GNPDA2: variants seen among roughly 807,000 people sequenced by gnomAD.
GNPDA2 encodes glcN6P deaminase 2.
In GNPDA2, 24 loss-of-function variants were observed where a neutral mutation model predicts 27.0. The observed-to-expected ratio is 0.89, with a 90% CI of 0.64 to 1.25. GNPDA2 has a LOEUF of 1.25. Among genes scored for constraint, GNPDA2 ranks in the 50% most tolerant of loss-of-function variants. The pLI is 0.00. For missense variants in GNPDA2, 286 were observed against 335.1 expected (o/e 0.85, Z 1.14); for synonymous variants, 94 against 108.4 (o/e 0.87, Z 0.83).
Position 44,705,268 on chromosome 4 carries a change from C to T in GNPDA2, c.770-2126G>A, listed in dbSNP as rs965874532. On this transcript the variant is annotated intron_variant, in intron 6 of 6. Coordinates refer to ENST00000295448, the MANE Select transcript of GNPDA2 (RefSeq NM_138335.3). ...GGAGGTATGAAAAGTATACAAACTA[C>T]ATTTGAAATGTGTTTATTTAAGAAT... is the stretch of plus-strand genomic sequence containing the variant. 1.2e-5 allele frequency: 12 copies of T among 981,644 alleles called. No individual in the cohort carries two copies. In the African/African-American group the frequency reaches 1.9e-4, roughly 16 times the overall value. 60.8% of individuals were successfully genotyped at this position (981,644 alleles called of 1,614,324 possible).
intron 6 of GNPDA2, chr4:44,704,832 G>C: frequency 6.1e-6 from 6 of 982,840 alleles, no homozygotes; most frequent in Non-Finnish European, 7.2e-6. Context: ...TCAAACTACT[G>C]AGGTGGAGCC....
rs369523385 is a variant in GNPDA2 at position 44,716,998 on chromosome 4, T to A, written c.409+115A>T. On this transcript the variant is annotated intron_variant, in intron 4 of 6. Coordinates refer to ENST00000295448, the MANE Select transcript of GNPDA2 (RefSeq NM_138335.3). ...AATCAGTAGCAGAATAAACGCGTAT[T>A]ACGGACAGCCACAGGTGCTCTTTAC... 16 of 627,418 alleles carry A rather than the reference T, an allele frequency of 2.6e-5. No homozygotes were observed. The African/African-American group carries it at 2.7e-4, about 11-fold the overall frequency. The allele number at this position is 627,418 out of a possible 1,614,324, so 38.9% of individuals were successfully genotyped here.
chr4:44,724,662 G>C lies in GNPDA2; in HGVS notation c.-36+1812C>G, dbSNP rs192375605. Among the ~76,000 whole-genome samples the C allele has an allele frequency of 1.7e-4, 26 of 152,156 alleles. No individual in the cohort carries two copies. In the Middle Eastern group the frequency reaches 0.01, roughly 60 times the overall value. ...GTTTTGTACCCACACACTTTACATA[G>C]AGTAATAAGTCAAATTTTCTAAATT... is the stretch of plus-strand genomic sequence containing the variant. On this transcript the variant is annotated intron_variant, in intron 1 of 6. Coordinates refer to ENST00000295448, the MANE Select transcript of GNPDA2 (RefSeq NM_138335.3).
chr4:44,710,125 T>TTC (rs1219193422), intron 5 of GNPDA2, among the ~76,000 whole-genome samples: 1 of 152,208 alleles, frequency 6.6e-6, no homozygotes, highest in East Asian at 1.9e-4. Flanking sequence ...ACTTATTGAC[T>TTC]ATGAAGTTTC....
intron 2 of GNPDA2, among the ~76,000 whole-genome samples, chr4:44,719,429 T>C (rs1717530218): frequency 6.6e-6 from 1 of 152,082 alleles, no homozygotes; most frequent in Non-Finnish European, 1.5e-5. Flanking sequence ...TTGTTTGAGA[T>C]GTCAGAATAG....
At chr4:44,718,083 TC>T (rs1478947360) in intron 3 of GNPDA2, among the ~76,000 whole-genome samples, 1 of 151,930 alleles carries the variant, frequency 6.6e-6, no homozygotes, top group Non-Finnish European at 1.5e-5. Flanking sequence ...GCTTCTGATT[TC>T]TAGTCCTTCA....
chr4:44,714,219 C>T lies in GNPDA2; in HGVS notation c.409+2894G>A, dbSNP rs1265450190. ...CGAACTCCCAACCTCAGGTGATCTG[C>T]GCACCTCAGCCTCCCAAAGTGCTGG... On this transcript the variant is annotated intron_variant, in intron 4 of 6. Transcript: ENST00000295448. The T allele has an allele frequency of 1.2e-5, 9 of 743,314 alleles. No homozygotes were observed. The South Asian group carries it at 1.8e-4, about 15-fold the overall frequency. The allele number at this position is 743,314 out of a possible 1,614,324, so 46.0% of individuals were successfully genotyped here. A position where few individuals can be genotyped will look rare whatever the true frequency, so the allele number is the denominator to read the frequency against.
At chr4:44,712,978 A>G (rs1444150069) in intron 4 of GNPDA2, among the ~76,000 whole-genome samples, 1 of 152,222 alleles carries the variant, frequency 6.6e-6, no homozygotes. Context: ...CTAAGGGTAG[A>G]ATGTACATGC....
In GNPDA2 at chr4:44,703,369, T is replaced by G. The variant is rs990393725; in HGVS notation, c.770-227A>C. 4.6e-6 allele frequency: 6 copies of G among 1,297,942 alleles called. No individual in the cohort carries two copies. In the South Asian group the frequency reaches 1.2e-4, roughly 27 times the overall value. 80.4% of individuals were successfully genotyped at this position (1,297,942 alleles called of 1,614,324 possible). ...ATTATGTAACAGTGCAGATCTAGAA[T>G]GTGTACAGGTACTTTGGGAGTAACC... On this transcript the variant is annotated intron_variant, in intron 6 of 6. Transcript: ENST00000295448.
chr4:44,702,486 A>G lies in GNPDA2; in HGVS notation c.*595T>C. Reference sequence around the variant, plus strand: ...AGGTGCACAAAAAACATGCACTTACACATACTTTCCAAAAGGATGTAAACT... The same window carrying G: ...AGGTGCACAAAAAACATGCACTTACGCATACTTTCCAAAAGGATGTAAACT... On this transcript the variant is annotated 3_prime_UTR_variant, in exon 7 of 7. Transcript: ENST00000295448. The G allele has an allele frequency of 1.0e-6, 1 of 984,300 alleles. No individual in the cohort carries two copies. The highest frequency in any genetic ancestry group is 1.2e-6 in the Non-Finnish European group (1 of 828,540). 61.0% of individuals were successfully genotyped at this position (984,300 alleles called of 1,614,324 possible). A position where few individuals can be genotyped will look rare whatever the true frequency, so the allele number is the denominator to read the frequency against.
chr4:44,720,354 A>G (rs1717587196), intron 2 of GNPDA2, among the ~76,000 whole-genome samples: 3 of 152,162 alleles, frequency 2.0e-5, no homozygotes, highest in African/African-American at 7.2e-5. Flanking sequence ...CTGGTGCCAG[A>G]GTTCATATAG....
At chr4:44,708,243 CTG>C (rs561632505) in intron 5 of GNPDA2, among the ~76,000 whole-genome samples, 60 of 152,110 alleles carry the variant, frequency 3.9e-4, no homozygotes, top group African/African-American at 1.2e-3. Flanking sequence ...AACAAAAGGA[CTG>C]TGTTGCAAAA....
At chr4:44,716,644 ATTC>A (rs1396275185) in intron 4 of GNPDA2, among the ~76,000 whole-genome samples, 1 of 151,974 alleles carries the variant, frequency 6.6e-6, no homozygotes, top group African/African-American at 2.4e-5. Flanking sequence ...GTTTTACATC[ATTC>A]TTAACTGATT....
intron 5 of GNPDA2, 62 bp downstream of exon 5, chr4:44,710,891 T>C (rs3749582): frequency 0.6 from 773,088 of 1,280,984 alleles, 237,851 homozygotes; most frequent in Non-Finnish European, 0.64. Flanking sequence ...GCATCATAAC[T>C]CCTCCAAAAT....
At position 44,726,495 on chromosome 4, in the gene GNPDA2, G is replaced by C. The variant is rs1254839334; in HGVS notation, c.-57C>G. On this transcript the variant is annotated 5_prime_UTR_variant, in exon 1 of 7. The change creates a new upstream start codon in the 5' untranslated region. Coordinates refer to ENST00000295448, the MANE Select transcript of GNPDA2 (RefSeq NM_138335.3). ...TTACCGGCAGACCCAATGGTTCTTC[G>C]ATGCTGGAACAGCGGGAACAAGCAA... is the stretch of plus-strand genomic sequence containing the variant. 6.6e-6 allele frequency: 1 copy of C among 152,474 alleles called. No homozygotes were observed. The highest frequency in any genetic ancestry group is 1.9e-4 in the East Asian group (1 of 5,148). 9.4% of individuals were successfully genotyped at this position (152,474 alleles called of 1,614,324 possible).
chr4:44,712,788 C>T (rs1577587765), intron 4 of GNPDA2, among the ~76,000 whole-genome samples: 1 of 152,138 alleles, frequency 6.6e-6, no homozygotes, highest in Non-Finnish European at 1.5e-5. Flanking sequence ...AATAACAGAG[C>T]TGGGTCAAGG....
At position 44,717,153 on chromosome 4, in the gene GNPDA2, G is replaced by T. The variant is rs1417513222; in HGVS notation, c.369C>A (p.Asn123Lys). 2 of 1,608,140 alleles carry T rather than the reference G, an allele frequency of 1.2e-6. No homozygotes were observed. The change falls in exon 4 of 7, where the codon AAC becomes AAA. Residue 123 changes from asparagine (N) to lysine (K), a missense_variant. Transcript: ENST00000295448. ...CTATTCCTCCAGCTTCTTTTATTTT[G>T]TTTTCAAAAGCATCACATTCTGCTT... ...DLQAECDAFE[N>K]KIKEAGGIDL...
chr4:44,718,832 T>C (rs2109716580), intron 2 of GNPDA2, among the ~76,000 whole-genome samples: 1 of 152,102 alleles, frequency 6.6e-6, no homozygotes. Flanking sequence ...GGGCTAAATT[T>C]AAATATTGCC....
intron 1 of GNPDA2, among the ~76,000 whole-genome samples, chr4:44,722,857 G>C (rs1239904436): frequency 6.6e-6 from 1 of 152,140 alleles, no homozygotes; most frequent in Non-Finnish European, 1.5e-5. Flanking sequence ...AAAATGCCCA[G>C]TTATAGATGA....
Sources: gnomAD v4.1 joint callset for allele counts (sites outside exome capture counted in the v4.1 genomes callset) on GRCh38, gnomAD v4.1.1 for gene constraint, MANE v1.5 for transcripts, NCBI Gene and HGNC (gene_info 2026-07-23, HGNC 2026-07-21) for gene names.